Variants in NTM observed in about 807,000 individuals in gnomAD.
NTM encodes IgLON family member 2.
In NTM, 13 loss-of-function variants were observed where a neutral mutation model predicts 42.1. The ratio of observed to expected loss-of-function variants is 0.31; its 90% CI spans 0.20 to 0.49. NTM has a LOEUF of 0.49. NTM is among the 20% of genes least tolerant of loss of function. The pLI is 0.99. For synonymous variants in NTM, 187 were observed against 179.2 expected (o/e 1.04, Z -0.35); for missense variants, 373 against 452.8 (o/e 0.82, Z 1.60).
chr11:131,530,469 A>G (rs1380277460), intron 1 of NTM, among the ~76,000 whole-genome samples: 1 of 148,510 alleles, frequency 6.7e-6, no homozygotes, highest in Non-Finnish European at 1.5e-5. Flanking sequence ...TTACTGGGGG[A>G]CTTGAAAGCT....
intron 1 of NTM, among the ~76,000 whole-genome samples, chr11:131,862,874 G>A (rs920183749): frequency 7.9e-5 from 12 of 152,306 alleles, no homozygotes; most frequent in Non-Finnish European, 1.3e-4. Flanking sequence ...AGGAAGTCTG[G>A]TTGCTATCCT....
intron 3 of NTM, among the ~76,000 whole-genome samples, chr11:132,158,387 A>G (rs4128547): frequency 0.43 from 66,075 of 152,120 alleles, 14,708 homozygotes; most frequent in East Asian, 0.64. Flanking sequence ...CCACCTGCAT[A>G]AAATAGAGCT....
intron 1 of NTM, among the ~76,000 whole-genome samples, chr11:131,387,351 C>G (rs1386969206): frequency 6.6e-6 from 1 of 152,146 alleles, no homozygotes; most frequent in Non-Finnish European, 1.5e-5. Context: ...GCACTCCCCT[C>G]TTCACTCTGC....
At chr11:131,522,069 ACT>A (rs927485474) in intron 1 of NTM, among the ~76,000 whole-genome samples, 41 of 152,142 alleles carry the variant, frequency 2.7e-4, no homozygotes, top group Admixed American at 2.5e-3. Flanking sequence ...GTGGAAAGTG[ACT>A]CTGGGTTCCT....
At chr11:131,412,746 T>TA (rs1946555291) in intron 1 of NTM, among the ~76,000 whole-genome samples, 2 of 152,158 alleles carry the variant, frequency 1.3e-5, no homozygotes, top group Middle Eastern at 3.2e-3. Context: ...AAGTGGTTTT[T>TA]AAAAAATAAT....
intron 2 of NTM, among the ~76,000 whole-genome samples, chr11:131,917,350 G>A (rs1317441419): frequency 6.6e-6 from 1 of 152,232 alleles, no homozygotes; most frequent in Non-Finnish European, 1.5e-5. Flanking sequence ...CTGGGCAGCT[G>A]TGTGAGGCTG....
At chr11:131,719,556 AG>A (rs2078099961) in intron 1 of NTM, among the ~76,000 whole-genome samples, 1 of 152,238 alleles carries the variant, frequency 6.6e-6, no homozygotes, top group South Asian at 2.1e-4. Flanking sequence ...GCAATGCCTC[AG>A]GAAGGCCAAG....
At chr11:131,731,371 T>G (rs1048948364) in intron 1 of NTM, among the ~76,000 whole-genome samples, 2 of 148,590 alleles carry the variant, frequency 1.3e-5, no homozygotes, top group Non-Finnish European at 3.0e-5. Context: ...AGGTCAACAC[T>G]TAGTCTTGAT....
At chr11:131,509,628 GT>G (rs2047980681) in intron 1 of NTM, among the ~76,000 whole-genome samples, 2 of 152,234 alleles carry the variant, frequency 1.3e-5, no homozygotes, top group Non-Finnish European at 2.9e-5. Flanking sequence ...TGGTGAGACA[GT>G]TTATCTCCAT....
chr11:132,326,934 C>T lies in NTM; in HGVS notation c.935-3219C>T, dbSNP rs2095695572. On this transcript the variant is annotated intron_variant, in intron 7 of 8. Transcript: ENST00000683400. ...TGCATGGATTTCCACTGACAGAGTA[C>T]ACTTGGCTTTAAGAGAAGTTCAAAG... is the stretch of plus-strand genomic sequence containing the variant. Among the ~76,000 whole-genome samples, 4 of 152,304 alleles carry T rather than the reference C, an allele frequency of 2.6e-5. No homozygotes were observed. The South Asian group carries it at 8.3e-4, about 32-fold the overall frequency.
intron 1 of NTM, among the ~76,000 whole-genome samples, chr11:131,496,942 C>T (rs945320030): frequency 1.3e-5 from 2 of 152,174 alleles, no homozygotes; most frequent in South Asian, 2.1e-4. Context: ...GAACCTCAGG[C>T]CTCTCCCTCT....
chr11:131,421,412 G>A (rs1447949488), intron 1 of NTM, among the ~76,000 whole-genome samples: 1 of 152,192 alleles, frequency 6.6e-6, no homozygotes, highest in Admixed American at 6.5e-5. Context: ...GGGAGAGGAG[G>A]CATCAGAGGG....
intron 2 of NTM, among the ~76,000 whole-genome samples, chr11:132,120,246 T>C (rs1223004104): frequency 6.6e-6 from 1 of 152,190 alleles, no homozygotes; most frequent in Non-Finnish European, 1.5e-5. Context: ...AATGTAGACG[T>C]TGTATTGCTA....
At chr11:131,798,005 T>C (rs1056138872) in intron 1 of NTM, among the ~76,000 whole-genome samples, 1 of 151,264 alleles carries the variant, frequency 6.6e-6, no homozygotes, top group Non-Finnish European at 1.5e-5. Flanking sequence ...TAAAAAAAAA[T>C]GAATTTACCT....
intron 2 of NTM, among the ~76,000 whole-genome samples, chr11:131,984,220 G>C (rs759470675): frequency 3.9e-5 from 6 of 152,146 alleles, no homozygotes; most frequent in Admixed American, 1.3e-4. Context: ...TTCACCTGGT[G>C]GTATTTACTC....
chr11:131,536,413 G>T (rs1352902797), intron 1 of NTM: 1 of 152,182 alleles, frequency 6.6e-6, no homozygotes, highest in African/African-American at 2.4e-5. Context: ...TGCACATAGA[G>T]TATGGAGCCC....
chr11:131,882,399 A>G (rs1057036070), intron 1 of NTM, among the ~76,000 whole-genome samples: 1 of 152,126 alleles, frequency 6.6e-6, no homozygotes. Flanking sequence ...GATGAGGCTC[A>G]CCCCTGTTAT....
intron 1 of NTM, among the ~76,000 whole-genome samples, chr11:131,763,416 TGAA>T (rs2084551616): frequency 6.6e-6 from 1 of 152,208 alleles, no homozygotes; most frequent in Non-Finnish European, 1.5e-5. Flanking sequence ...TGCAGGTCGT[TGAA>T]GAGTAGTTAT....
At chr11:132,162,183 G>C (rs1012738347) in intron 3 of NTM, among the ~76,000 whole-genome samples, 1 of 95,766 alleles carries the variant, frequency 1.0e-5, no homozygotes, top group Non-Finnish European at 2.0e-5. Flanking sequence ...TTGTGTTTTG[G>C]GGGGAGTGTG....
Sources: gnomAD v4.1 joint callset for allele counts (sites outside exome capture counted in the v4.1 genomes callset) on GRCh38, gnomAD v4.1.1 for gene constraint, MANE v1.5 for transcripts, NCBI Gene and HGNC (gene_info 2026-07-23, HGNC 2026-07-21) for gene names.